Variants in FAM3B observed in about 807,000 individuals in gnomAD.
FAM3B encodes the protein protein FAM3B.
Under a neutral mutation model 28.4 loss-of-function variants are expected in FAM3B, and 29 were observed. The observed-to-expected ratio is 1.02, with a 90% CI of 0.76 to 1.39. FAM3B has a LOEUF of 1.39. FAM3B is among the 40% of genes most tolerant of loss of function. FAM3B has a pLI of 0.00. For missense variants in FAM3B, 266 were observed against 293.9 expected (o/e 0.91, Z 0.69); for synonymous variants, 91 against 103.0 (o/e 0.88, Z 0.71).
upstream of FAM3B, among the ~76,000 whole-genome samples, chr21:41,315,017 A>G (rs1157409166): frequency 1.3e-5 from 2 of 152,210 alleles, no homozygotes; most frequent in East Asian, 3.8e-4. Flanking sequence ...CACAGTAATT[A>G]AGAGGCAGAA....
intron 1 of FAM3B, among the ~76,000 whole-genome samples, chr21:41,318,417 G>C (rs927151561): frequency 6.6e-6 from 1 of 152,190 alleles, no homozygotes; most frequent in Admixed American, 6.6e-5. Context: ...AGTGGGTATC[G>C]TAATACCTTG....
intron 2 of FAM3B, among the ~76,000 whole-genome samples, chr21:41,335,898 T>TGTG (rs2145815044): frequency 6.6e-6 from 1 of 152,318 alleles, no homozygotes; most frequent in South Asian, 2.1e-4. Context: ...ATGCTCTGTA[T>TGTG]GTCTATTAGA....
intron 7 of FAM3B, among the ~76,000 whole-genome samples, chr21:41,352,820 T>C (rs8134383): frequency 7.7e-4 from 115 of 150,104 alleles, no homozygotes; most frequent in South Asian, 5.7e-3. Context: ...AATAAATAAA[T>C]AAATAAAGGA....
At chr21:41,317,992 T>C (rs2088766130) in intron 1 of FAM3B, among the ~76,000 whole-genome samples, 1 of 152,180 alleles carries the variant, frequency 6.6e-6, no homozygotes, top group South Asian at 2.1e-4. Context: ...ATTATAGCTA[T>C]TCTGGAAAAG....
chr21:41,308,348 C>T (rs539080319), intron 1 of FAM3B, among the ~76,000 whole-genome samples: 4 of 152,076 alleles, frequency 2.6e-5, no homozygotes, highest in Non-Finnish European at 4.4e-5. Context: ...TGGCATGCCC[C>T]AAACCACCCA....
chr21:41,338,454 C>T lies in FAM3B; in HGVS notation c.240C>T (p.Ser80=), dbSNP rs371339927. The change falls in exon 3 of 8, where the codon AGC becomes AGT. Residue 80 remains serine (S), a synonymous_variant. Coordinates refer to ENST00000357985, the MANE Select transcript of FAM3B (RefSeq NM_058186.4). ...ACACCTATGCCTACAGGTTACTCAG[C>T]GGAGGTGGCAGAAGCAAGTACGCCA... ...PSDTYAYRLL[S]GGGRSKYAKI... The T allele has an allele frequency of 5.5e-5, 89 of 1,614,134 alleles. 1 individual carries two copies. In the Middle Eastern group the frequency reaches 1.3e-3, roughly 24 times the overall value.
At chr21:41,315,766 C>G (rs574871021), upstream of FAM3B, among the ~76,000 whole-genome samples, 59 of 152,248 alleles carry the variant, frequency 3.9e-4, no homozygotes, top group African/African-American at 1.4e-3. Context: ...GTCCACAGGA[C>G]ATGTGTCCCT....
At position 41,344,114 on chromosome 21, in the gene FAM3B, T is replaced by C. The variant is rs1220939068; in HGVS notation, c.288-362T>C. Among the ~76,000 whole-genome samples, 6 of 152,196 alleles carry C rather than the reference T, an allele frequency of 3.9e-5. No homozygotes were observed. In the East Asian group the frequency reaches 1.2e-3, roughly 29 times the overall value. On this transcript the variant is annotated intron_variant, in intron 3 of 7. Coordinates refer to ENST00000357985, the MANE Select transcript of FAM3B (RefSeq NM_058186.4). ...CAGCCTGGGTGACAGAGTGAGACCC[T>C]GTCTCAATAAATAAATAGATAATAA...
rs985908615 is a variant in FAM3B at position 41,357,269 on chromosome 21, T to G, written c.*72T>G. ...TGGAATCGCTCAAGAATCTTATTTT[T>G]CTAAATCCAACAGCCCATATTTGAT... On this transcript the variant is annotated 3_prime_UTR_variant, in exon 8 of 8. Transcript: ENST00000357985. The G allele has an allele frequency of 1.6e-5, 18 of 1,100,742 alleles. No individual in the cohort carries two copies. In the African/African-American group the frequency reaches 1.8e-4, roughly 11 times the overall value. 68.2% of individuals were successfully genotyped at this position (1,100,742 alleles called of 1,614,324 possible).
At chr21:41,322,672 G>A (rs1455739234) in intron 1 of FAM3B, 1 of 720,274 alleles carries the variant, frequency 1.4e-6, no homozygotes. Context: ...GTTAAGTTAA[G>A]ACCTAAACCA....
upstream of FAM3B, among the ~76,000 whole-genome samples, chr21:41,313,754 T>A (rs1393708809): frequency 6.6e-6 from 1 of 152,108 alleles, no homozygotes. Flanking sequence ...TGTATGCATG[T>A]CGCATTTGAG....
rs2088853497 is a variant in FAM3B at position 41,326,192 on chromosome 21, G to T, written c.163+3126G>T. ...CAGGAAAAGCACTGAAGACCTAGAT[G>T]TGGTTCTCCAGGCAGGGTTTGGAAA... On this transcript the variant is annotated intron_variant, in intron 2 of 7. Coordinates refer to ENST00000357985, the MANE Select transcript of FAM3B (RefSeq NM_058186.4). The surrounding 1 kb of genome is among the most constrained non-coding windows in gnomAD (Gnocchi z 4.0). 6.6e-6 allele frequency among the ~76,000 whole-genome samples: 1 copy of T among 152,226 alleles called. No homozygotes were observed. Among genetic ancestry groups the T allele is most frequent in the African/African-American group, 2.4e-5 (1 of 41,450 alleles).
intron 7 of FAM3B, among the ~76,000 whole-genome samples, chr21:41,356,036 TACATAC>T (rs1555873669): frequency 3.1e-4 from 33 of 104,822 alleles, no homozygotes; most frequent in African/African-American, 1.3e-3. Flanking sequence ...GGGAAAAAAA[TACATAC>T]ACACACACAC....
intron 7 of FAM3B, among the ~76,000 whole-genome samples, chr21:41,354,442 A>T (rs1020726938): frequency 2.6e-5 from 4 of 152,396 alleles, no homozygotes; most frequent in African/African-American, 9.6e-5. Context: ...ATGCCCATCA[A>T]TGATAGACTG....
intron 3 of FAM3B, among the ~76,000 whole-genome samples, chr21:41,340,024 C>A (rs2088990627): frequency 6.6e-6 from 1 of 152,008 alleles, no homozygotes; most frequent in South Asian, 2.1e-4. Flanking sequence ...GATGGGAGGT[C>A]TGCTGGTATC....
intron 2 of FAM3B, among the ~76,000 whole-genome samples, chr21:41,328,896 C>T (rs186033098): frequency 1.1e-4 from 17 of 152,328 alleles, no homozygotes; most frequent in African/African-American, 3.8e-4. Context: ...ACCCAGACCA[C>T]GTCCAGCTCG....
Position 41,311,251 on chromosome 21 carries a change from AATATATATATATAT to A in FAM3B, n.99+6974_99+6987del, listed in dbSNP as rs1168140562. On this transcript the variant is annotated intron_variant and non_coding_transcript_variant, in intron 1 of 9. Coordinates refer to the FAM3B transcript ENST00000479810. ...CCTGTCTCTACAAAAAAAAAAAAAAAATATATATATATATATATATATATATATATATATATATA... is the reference window on the plus strand; with the variant it reads ...CCTGTCTCTACAAAAAAAAAAAAAAAATATATATATATATATATATATATA... Among the ~76,000 whole-genome samples the A allele has an allele frequency of 5.2e-3, 183 of 35,022 alleles. 2 individuals are homozygous for A. Among genetic ancestry groups the A allele is most frequent in the African/African-American group, 0.011 (94 of 8,310 alleles). The allele number at this position is 35,022 out of a possible 152,430, so 23.0% of individuals were successfully genotyped here.
intron 3 of FAM3B, among the ~76,000 whole-genome samples, chr21:41,340,794 A>G (rs1262179595): frequency 6.6e-6 from 1 of 152,216 alleles, no homozygotes; most frequent in East Asian, 1.9e-4. Context: ...AAGGAGGCTC[A>G]GAGAAATCTT....
rs147642281 is a variant in FAM3B at position 41,326,586 on chromosome 21, C to T, written c.163+3520C>T. On this transcript the variant is annotated intron_variant, in intron 2 of 7. Transcript: ENST00000357985. This position sits in a 1 kb window ranked among gnomAD's most constrained non-coding sequence, Gnocchi z 4.0. ...TCTAGAAGCTGGGGAGGAGGCCATG[C>T]TCATGGCTGACGGGCTGCCAGGCCC... Among the ~76,000 whole-genome samples, 3,299 of 152,334 alleles carry T rather than the reference C, an allele frequency of 0.022. 51 individuals carry two copies. The highest frequency in any genetic ancestry group is 0.033 in the Non-Finnish European group (2,276 of 68,006).
Sources: allele counts gnomAD v4.1 joint callset (sites outside exome capture counted in the v4.1 genomes callset), GRCh38; gene constraint gnomAD v4.1.1; non-coding constraint Gnocchi (gnomAD v3.1); transcripts MANE v1.5; gene names NCBI Gene and HGNC (gene_info 2026-07-23, HGNC 2026-07-21).